CSMD3: variants seen among roughly 807,000 people sequenced by gnomAD.
CSMD3 encodes CUB and sushi domain-containing protein 3.
Under a neutral mutation model 435.2 loss-of-function variants are expected in CSMD3, and 177 were observed. That is an observed-to-expected ratio of 0.41 (90% CI 0.36 to 0.46). The LOEUF (loss-of-function observed/expected upper bound fraction) is 0.46, where lower values mean the gene tolerates loss of function less well. Among genes scored for constraint, CSMD3 ranks in the 20% least tolerant of loss-of-function variants. The probability of loss-of-function intolerance (pLI) is 0.34; values close to 1 mark genes in which losing one functional copy is unlikely to be tolerated. For synonymous variants in CSMD3, 1,656 were observed against 1,520.5 expected (o/e 1.09, Z -2.07); for missense variants, 4,265 against 4,504.6 (o/e 0.95, Z 1.52).
chr8:112,429,673 A>G (rs530238809), intron 32 of CSMD3, among the ~76,000 whole-genome samples: 106 of 152,166 alleles, frequency 7.0e-4, no homozygotes, highest in African/African-American at 2.4e-3. Flanking sequence ...AATTTTGGTC[A>G]TCATTAAAAA....
intron 24 of CSMD3, among the ~76,000 whole-genome samples, chr8:112,561,283 A>G (rs965155661): frequency 1.3e-5 from 2 of 151,688 alleles, no homozygotes; most frequent in Non-Finnish European, 3.0e-5. Flanking sequence ...AATATTCAAC[A>G]CTGCTTGTGA....
At chr8:112,558,278 ATTTTCT>A (rs1259783371) in intron 24 of CSMD3, among the ~76,000 whole-genome samples, 111 of 151,816 alleles carry the variant, frequency 7.3e-4, no homozygotes, top group African/African-American at 2.7e-3. Context: ...TAGAAAGGTC[ATTTTCT>A]TCCTTCTCCC....
chr8:112,223,172 T>G lies in CSMD3; in HGVS notation c.*1599A>C, dbSNP rs1053201016. 5.0e-6 allele frequency: 2 copies of G among 396,868 alleles called. No individual in the cohort carries two copies. Among genetic ancestry groups the G allele is most frequent in the Admixed American group, 4.4e-5 (1 of 22,666 alleles). 24.6% of individuals were successfully genotyped at this position (396,868 alleles called of 1,614,324 possible). A position where few individuals can be genotyped will look rare whatever the true frequency, so the allele number is the denominator to read the frequency against. ...TGAATAAACAAGAATAAATAACTGA[T>G]GGCATAAAATTTAAAACTGCATCCT... On this transcript the variant is annotated 3_prime_UTR_variant, in exon 71 of 71. Transcript: ENST00000297405.
intron 5 of CSMD3, among the ~76,000 whole-genome samples, chr8:113,072,223 T>TA (rs961720131): frequency 3.4e-4 from 52 of 151,992 alleles, no homozygotes; most frequent in African/African-American, 1.1e-3. Flanking sequence ...TAGGGTTTTC[T>TA]ATGTATATAA....
At chr8:112,339,786 T>C (rs1172858728) in intron 42 of CSMD3, among the ~76,000 whole-genome samples, 1 of 152,192 alleles carries the variant, frequency 6.6e-6, no homozygotes, top group Non-Finnish European at 1.5e-5. Context: ...ATATTGACTC[T>C]GTGAATATAT....
At chr8:113,175,638 A>G (rs2092336649) in intron 3 of CSMD3, among the ~76,000 whole-genome samples, 1 of 152,034 alleles carries the variant, frequency 6.6e-6, no homozygotes, top group Non-Finnish European at 1.5e-5. Flanking sequence ...TGAAATACTT[A>G]ATTTTTTGGA....
chr8:112,597,034 A>T (rs2131395078), intron 22 of CSMD3, among the ~76,000 whole-genome samples: 1 of 152,306 alleles, frequency 6.6e-6, no homozygotes, highest in Middle Eastern at 3.4e-3. Context: ...AACTGAAGGA[A>T]ATAGAGACAC....
chr8:112,813,877 A>C (rs1239385296), intron 12 of CSMD3, among the ~76,000 whole-genome samples: 1 of 152,164 alleles, frequency 6.6e-6, no homozygotes, highest in Non-Finnish European at 1.5e-5. Flanking sequence ...GACCAACTGA[A>C]TCCCACGTTG....
chr8:112,440,114 G>A (rs1814834162), intron 32 of CSMD3, among the ~76,000 whole-genome samples: 1 of 152,158 alleles, frequency 6.6e-6, no homozygotes, highest in African/African-American at 2.4e-5. Context: ...CTAAGAGCCT[G>A]TAAAATCAAA....
rs556507062 is a variant in CSMD3 at position 112,426,273 on chromosome 8, T to A, written c.5396-17241A>T. 9.9e-5 allele frequency among the ~76,000 whole-genome samples: 15 copies of A among 152,232 alleles called. 2 individuals carry two copies. Among genetic ancestry groups the A allele is most frequent in the African/African-American group, 2.4e-4 (10 of 41,544 alleles). ...GGGAGTGAGGGTGAAAACTTTTTTT[T>A]AAGCACATTTTAATAGGTAGTTGGT... On this transcript the variant is annotated intron_variant, in intron 32 of 70. Transcript: ENST00000297405.
chr8:112,668,758 T>C (rs2075585931), intron 16 of CSMD3, among the ~76,000 whole-genome samples: 1 of 151,864 alleles, frequency 6.6e-6, no homozygotes, highest in East Asian at 1.9e-4. Context: ...CTAGAAGGTC[T>C]ACCACCAAGA....
intron 1 of CSMD3, among the ~76,000 whole-genome samples, chr8:113,430,453 T>C (rs1420494277): frequency 1.3e-5 from 2 of 152,152 alleles, no homozygotes; most frequent in Non-Finnish European, 1.5e-5. Flanking sequence ...AAAATCATTA[T>C]TTGACCTTCA....
intron 3 of CSMD3, among the ~76,000 whole-genome samples, chr8:113,215,876 T>C (rs1481766082): frequency 2.6e-5 from 4 of 151,784 alleles, no homozygotes; most frequent in Admixed American, 6.6e-5. Flanking sequence ...CACCTTTTAT[T>C]TTATATCAGT....
intron 27 of CSMD3, among the ~76,000 whole-genome samples, chr8:112,536,941 T>C (rs1826158393): frequency 6.6e-6 from 1 of 151,922 alleles, no homozygotes; most frequent in South Asian, 2.1e-4. Context: ...ACACCGCATA[T>C]TCTCACTCGT....
intron 10 of CSMD3, among the ~76,000 whole-genome samples, chr8:112,893,773 C>G (rs756107148): frequency 4.0e-5 from 6 of 151,454 alleles, no homozygotes; most frequent in Non-Finnish European, 8.9e-5. Context: ...AGTTTCCTTA[C>G]ATGCAAGAAC....
chr8:113,000,989 A>G (rs2085841357), intron 6 of CSMD3, among the ~76,000 whole-genome samples: 1 of 152,002 alleles, frequency 6.6e-6, no homozygotes, highest in African/African-American at 2.4e-5. Flanking sequence ...AAAGGATTCA[A>G]ATCAGAAATT....
Position 112,685,400 on chromosome 8 carries a change from A to G in CSMD3, c.2482+6T>C. 1 of 1,609,410 alleles carries G rather than the reference A, an allele frequency of 6.2e-7. No homozygotes were observed. The highest frequency in any genetic ancestry group is 8.5e-7 in the Non-Finnish European group (1 of 1,176,102). ...ATATGGGAAAAAAACAGAAACAGAA[A>G]CTTACTGTTGTAAGTGATGTTAAAG... On this transcript the variant is annotated splice_donor_region_variant and intron_variant, in intron 15 of 70. Transcript: ENST00000297405.
rs569405915 is a variant in CSMD3, at chr8:112,297,751, T to A, written c.8441-1745A>T. Among the ~76,000 whole-genome samples, 3 of 152,206 alleles carry A rather than the reference T, an allele frequency of 2.0e-5. No individual in the cohort carries two copies. The South Asian group carries it at 6.2e-4, about 31-fold the overall frequency. On this transcript the variant is annotated intron_variant, in intron 53 of 70. Transcript: ENST00000297405. ...AACTAGTAAGTGAATTTAGAAAGGT[T>A]GTAGAATATTAGGTAAATATTTTGA...
At chr8:112,331,488 C>A (rs185146454) in intron 45 of CSMD3, among the ~76,000 whole-genome samples, 1 of 151,722 alleles carries the variant, frequency 6.6e-6, no homozygotes, top group Non-Finnish European at 1.5e-5. Context: ...AAAGGCTTTA[C>A]GAAGGTGATG....
Sources: gnomAD v4.1 joint callset for allele counts (sites outside exome capture counted in the v4.1 genomes callset) on GRCh38, gnomAD v4.1.1 for gene constraint, MANE v1.5 for transcripts, NCBI Gene and HGNC (gene_info 2026-07-23, HGNC 2026-07-21) for gene names.